Variants in DLG2 observed in about 807,000 individuals in gnomAD.
The protein encoded by DLG2 is discs large MAGUK scaffold protein 2.
DLG2 carries 45 observed loss-of-function variants against 132.5 expected under a neutral mutation model. The ratio of observed to expected loss-of-function variants is 0.34; its 90% confidence interval spans 0.27 to 0.44. DLG2 has a LOEUF of 0.44. Ranked by LOEUF, DLG2 falls within the 20% of genes least tolerant of loss-of-function variation. The pLI, the probability that DLG2 is intolerant of heterozygous loss-of-function variation, is 1.00. For missense variants in DLG2, 1,045 were observed against 1,196.9 expected (o/e 0.87, Z 1.87); for synonymous variants, 424 against 419.6 (o/e 1.01, Z -0.13).
chr11:84,988,716 G>C (rs1466842642), intron 6 of DLG2, among the ~76,000 whole-genome samples: 1 of 152,164 alleles, frequency 6.6e-6, no homozygotes, highest in Non-Finnish European at 1.5e-5. Flanking sequence ...TGAGAACTCA[G>C]TGGGGAAAGG....
chr11:85,521,308 G>A (rs1490822877), intron 3 of DLG2, among the ~76,000 whole-genome samples: 3 of 152,152 alleles, frequency 2.0e-5, no homozygotes, highest in Admixed American at 2.0e-4. Context: ...ACTTTGCTCT[G>A]CACTTCTCTC....
At chr11:84,109,766 T>C (rs934817532) in intron 9 of DLG2, among the ~76,000 whole-genome samples, 1 of 152,170 alleles carries the variant, frequency 6.6e-6, no homozygotes, top group Non-Finnish European at 1.5e-5. Context: ...TCTCTGCTTG[T>C]GTTCTGAAAA....
intron 6 of DLG2, among the ~76,000 whole-genome samples, chr11:85,044,643 C>T (rs2062165350): frequency 6.6e-6 from 1 of 151,850 alleles, no homozygotes; most frequent in African/African-American, 2.4e-5. Flanking sequence ...ACCACTGGAG[C>T]CCAGGTCAGG....
intron 6 of DLG2, among the ~76,000 whole-genome samples, chr11:84,579,966 G>A (rs1008865800): frequency 6.6e-6 from 1 of 152,156 alleles, no homozygotes; most frequent in Non-Finnish European, 1.5e-5. Context: ...GTGCCTGGAA[G>A]GTGCCACTCA....
intron 18 of DLG2, among the ~76,000 whole-genome samples, chr11:83,772,632 A>T (rs1194467218): frequency 6.6e-6 from 1 of 151,790 alleles, no homozygotes; most frequent in Non-Finnish European, 1.5e-5. Context: ...AAGAAGGAAG[A>T]TCTAATGCTA....
At chr11:84,449,686 A>G (rs2099045785) in intron 7 of DLG2, among the ~76,000 whole-genome samples, 1 of 151,868 alleles carries the variant, frequency 6.6e-6, no homozygotes, top group East Asian at 1.9e-4. Context: ...TTTACATACT[A>G]TCTTTATTGT....
chr11:83,543,727 T>A (rs1420980347), intron 19 of DLG2, among the ~76,000 whole-genome samples: 3 of 152,192 alleles, frequency 2.0e-5, no homozygotes, highest in African/African-American at 7.2e-5. Flanking sequence ...AAGTATGAAC[T>A]AATGTTATTA....
intron 6 of DLG2, among the ~76,000 whole-genome samples, chr11:84,996,215 G>A (rs2057639368): frequency 6.6e-6 from 1 of 151,614 alleles, no homozygotes; most frequent in Non-Finnish European, 1.5e-5. Flanking sequence ...ATTTATCTTG[G>A]AATTTGTACT....
At chr11:84,711,288 C>A (rs544109265) in intron 6 of DLG2, among the ~76,000 whole-genome samples, 1 of 147,878 alleles carries the variant, frequency 6.8e-6, no homozygotes, top group East Asian at 2.1e-4. Context: ...ACCCCAGATA[C>A]TAGCTGCATT....
chr11:83,849,002 C>T (rs1001356698), intron 16 of DLG2, among the ~76,000 whole-genome samples: 3 of 152,162 alleles, frequency 2.0e-5, no homozygotes, highest in Admixed American at 6.5e-5. Context: ...TGTCCTCTAC[C>T]AACTGGGAAT....
rs538791884 is a variant in DLG2, at chr11:85,616,578, C to T, written c.-93+10009G>A. Among the ~76,000 whole-genome samples the T allele has an allele frequency of 2.6e-5, 4 of 152,236 alleles. No individual in the cohort carries two copies. The South Asian group carries it at 6.2e-4, about 24-fold the overall frequency. On this transcript the variant is annotated intron_variant, in intron 2 of 27. Transcript: ENST00000376104. ...CCCAGAAGGAATTTTTCAGTAATTC[C>T]AGTTTTGCTTTCTAAAAACCTAAGC...
chr11:84,046,685 T>C (rs978100790), intron 11 of DLG2, among the ~76,000 whole-genome samples: 1 of 151,770 alleles, frequency 6.6e-6, no homozygotes, highest in African/African-American at 2.4e-5. Flanking sequence ...TCTTGCCTAA[T>C]ATCAACCTTT....
intron 6 of DLG2, among the ~76,000 whole-genome samples, chr11:84,583,217 C>T (rs569545892): frequency 2.6e-5 from 4 of 152,310 alleles, no homozygotes; most frequent in Non-Finnish European, 5.9e-5. Context: ...AGTAGCATGG[C>T]CGATCTAATT....
At chr11:85,349,872 A>G (rs1027591104) in intron 3 of DLG2, among the ~76,000 whole-genome samples, 2 of 151,756 alleles carry the variant, frequency 1.3e-5, no homozygotes. Context: ...CAGTAAACAT[A>G]CGTGTGCACG....
chr11:83,742,285 G>GT (rs1427328131), intron 18 of DLG2, among the ~76,000 whole-genome samples: 3 of 151,298 alleles, frequency 2.0e-5, no homozygotes, highest in African/African-American at 7.3e-5. Context: ...TTGACTGACT[G>GT]TAGTAATAAT....
At chr11:84,159,181 T>C (rs552676560) in intron 9 of DLG2, among the ~76,000 whole-genome samples, 1 of 152,320 alleles carries the variant, frequency 6.6e-6, no homozygotes, top group East Asian at 1.9e-4. Context: ...AAATTTCAGA[T>C]GTTGTTCTAG....
intron 6 of DLG2, among the ~76,000 whole-genome samples, chr11:85,062,321 G>C (rs2064240716): frequency 1.3e-5 from 2 of 151,746 alleles, no homozygotes; most frequent in Admixed American, 1.3e-4. Context: ...TTTGATCATT[G>C]CATTCCAGGT....
intron 6 of DLG2, among the ~76,000 whole-genome samples, chr11:84,944,378 T>C (rs938861115): frequency 6.6e-5 from 10 of 152,150 alleles, no homozygotes. Flanking sequence ...TTTGGCCTTT[T>C]GAGGCTATTT....
chr11:85,334,382 A>T (rs1385236051), intron 3 of DLG2, among the ~76,000 whole-genome samples: 1 of 151,936 alleles, frequency 6.6e-6, no homozygotes. Context: ...TAAAGAACAA[A>T]TTTTTTGTTT....
Sources: allele counts gnomAD v4.1 joint callset (sites outside exome capture counted in the v4.1 genomes callset), GRCh38; gene constraint gnomAD v4.1.1; transcripts MANE v1.5; gene names NCBI Gene and HGNC (gene_info 2026-07-23, HGNC 2026-07-21).